The following LRP1B variants were observed in gnomAD, a reference collection of about 807,000 sequenced individuals.
The protein encoded by LRP1B is LDL receptor related protein 1B.
LRP1B carries 217 observed loss-of-function variants against 556.6 expected under a neutral mutation model. That is an observed-to-expected ratio of 0.39 (90% CI 0.35 to 0.44). The LOEUF is 0.44. Ranked by LOEUF, LRP1B falls within the 20% of genes least tolerant of loss-of-function variation. The pLI, the probability that LRP1B is intolerant of heterozygous loss-of-function variation, is 1.00. For missense variants in LRP1B, 5,053 were observed against 5,620.8 expected, an observed-to-expected ratio of 0.90 and a Z score of 3.23; for synonymous variants, 2,047 against 1,865.8, an observed-to-expected ratio of 1.10 and a Z score of -2.50.
intron 87 of LRP1B, among the ~76,000 whole-genome samples, chr2:140,245,454 A>T (rs1391066809): frequency 1.3e-5 from 2 of 151,502 alleles, no homozygotes; most frequent in East Asian, 3.9e-4. Flanking sequence ...AAAATTTTTT[A>T]AATTGTTTTT....
chr2:140,730,260 C>T (rs1020730762), intron 35 of LRP1B, among the ~76,000 whole-genome samples: 2 of 152,234 alleles, frequency 1.3e-5, no homozygotes, highest in South Asian at 4.1e-4. Context: ...GATAATATAG[C>T]TGTAAGATGC....
intron 4 of LRP1B, among the ~76,000 whole-genome samples, chr2:141,251,787 A>G (rs1307769742): frequency 1.3e-5 from 2 of 152,130 alleles, no homozygotes; most frequent in East Asian, 3.9e-4. Flanking sequence ...CACCCAGAAA[A>G]TAAAGGCAGT....
intron 82 of LRP1B, among the ~76,000 whole-genome samples, chr2:140,316,187 CTGAT>C (rs1164477051): frequency 4.6e-5 from 7 of 152,252 alleles, no homozygotes; most frequent in East Asian, 3.9e-4. Flanking sequence ...TGGAACAAAA[CTGAT>C]TGAGAAAGTT....
At chr2:140,286,006 C>A (rs992139383) in intron 84 of LRP1B, among the ~76,000 whole-genome samples, 1 of 151,794 alleles carries the variant, frequency 6.6e-6, no homozygotes, top group African/African-American at 2.4e-5. Context: ...AATCTCTAGT[C>A]TCACTACCTG....
rs556878921 is a variant in LRP1B, at chr2:140,585,670, T to C, written c.7194+12961A>G. 3.3e-5 allele frequency among the ~76,000 whole-genome samples: 5 copies of C among 152,248 alleles called. No homozygotes were observed. The South Asian group carries it at 1.0e-3, about 32-fold the overall frequency. On this transcript the variant is annotated intron_variant, in intron 43 of 90. Transcript: ENST00000389484. ...CTGAAACAATGTTATCTAACACTAA[T>C]TTTAGTTTTCTTTTCACTTATTTCT...
At chr2:141,023,518 A>G (rs1316263100) in intron 11 of LRP1B, among the ~76,000 whole-genome samples, 1 of 152,048 alleles carries the variant, frequency 6.6e-6, no homozygotes, top group Non-Finnish European at 1.5e-5. Context: ...ACATTTTTAA[A>G]GAGAGTGGTT....
chr2:141,174,461 G>T (rs1307625599), intron 7 of LRP1B, among the ~76,000 whole-genome samples: 1 of 152,032 alleles, frequency 6.6e-6, no homozygotes, highest in African/African-American at 2.4e-5. Flanking sequence ...TTTCTCCTTT[G>T]TTATTCTCAT....
At chr2:140,589,837 G>A (rs1034154901) in intron 43 of LRP1B, among the ~76,000 whole-genome samples, 2 of 152,142 alleles carry the variant, frequency 1.3e-5, no homozygotes, top group African/African-American at 4.8e-5. Context: ...GGTTGCAGGT[G>A]ATTAAGAAAG....
intron 6 of LRP1B, among the ~76,000 whole-genome samples, chr2:141,220,260 T>C (rs1402288065): frequency 6.6e-6 from 1 of 151,860 alleles, no homozygotes; most frequent in Admixed American, 6.6e-5. Flanking sequence ...AAACACAACA[T>C]GAGAACTTCA....
intron 41 of LRP1B, among the ~76,000 whole-genome samples, chr2:140,615,102 C>T (rs1027722972): frequency 6.6e-6 from 1 of 152,068 alleles, no homozygotes; most frequent in African/African-American, 2.4e-5. Flanking sequence ...ACAGAGGCCT[C>T]CCCAAATGCT....
At chr2:140,579,798 C>T (rs755339457) in intron 43 of LRP1B, among the ~76,000 whole-genome samples, 11 of 152,036 alleles carry the variant, frequency 7.2e-5, no homozygotes, top group East Asian at 1.9e-4. Flanking sequence ...ACCGAGATCG[C>T]GCCACTGCAC....
intron 6 of LRP1B, among the ~76,000 whole-genome samples, chr2:141,204,923 C>G (rs1682206041): frequency 6.6e-6 from 1 of 151,440 alleles, no homozygotes; most frequent in African/African-American, 2.4e-5. Context: ...GGTGACAGAG[C>G]AAGACTCTGT....
intron 2 of LRP1B, among the ~76,000 whole-genome samples, chr2:141,671,546 G>A (rs1211308669): frequency 6.6e-6 from 1 of 152,118 alleles, no homozygotes; most frequent in African/African-American, 2.4e-5. Context: ...CCTGACAATG[G>A]CTAAGGGTGG....
At chr2:141,250,697 C>G (rs1239418219) in intron 4 of LRP1B, among the ~76,000 whole-genome samples, 2 of 152,156 alleles carry the variant, frequency 1.3e-5, no homozygotes, top group Non-Finnish European at 2.9e-5. Context: ...GAACTTGCAT[C>G]TGGTACCTGA....
chr2:141,720,846 C>T (rs921515127), intron 2 of LRP1B, among the ~76,000 whole-genome samples: 1 of 152,142 alleles, frequency 6.6e-6, no homozygotes, highest in Non-Finnish European at 1.5e-5. Flanking sequence ...TAGGAAAGTA[C>T]TAAATCAACC....
intron 1 of LRP1B, among the ~76,000 whole-genome samples, chr2:142,109,165 T>C (rs1294989674): frequency 6.6e-6 from 1 of 152,178 alleles, no homozygotes; most frequent in African/African-American, 2.4e-5. Context: ...CTGTTACATG[T>C]GAAGATCAAC....
intron 7 of LRP1B, among the ~76,000 whole-genome samples, chr2:141,065,337 A>G (rs1410995546): frequency 2.0e-5 from 3 of 151,970 alleles, no homozygotes; most frequent in African/African-American, 7.2e-5. Context: ...TATCTCTCAT[A>G]ATCAATTCCT....
intron 43 of LRP1B, among the ~76,000 whole-genome samples, chr2:140,595,010 TAC>T (rs1258766414): frequency 1.3e-5 from 2 of 150,252 alleles, no homozygotes; most frequent in Non-Finnish European, 3.0e-5. Flanking sequence ...CAGTGCCTTT[TAC>T]AGTGTACTCC....
At chr2:141,876,625 C>T (rs2104884721) in intron 1 of LRP1B, among the ~76,000 whole-genome samples, 1 of 147,262 alleles carries the variant, frequency 6.8e-6, no homozygotes, top group Non-Finnish European at 1.5e-5. Context: ...GGAATATTAC[C>T]ACTCATTTTT....
Sources: gnomAD v4.1 joint callset for allele counts (sites outside exome capture counted in the v4.1 genomes callset) on GRCh38, gnomAD v4.1.1 for gene constraint, MANE v1.5 for transcripts, NCBI Gene and HGNC (gene_info 2026-07-23, HGNC 2026-07-21) for gene names.